SYT1: variants seen among roughly 807,000 people sequenced by gnomAD.
SYT1 encodes synaptotagmin-1.
Under a neutral mutation model 44.8 loss-of-function variants are expected in SYT1, and 8 were observed. The observed-to-expected ratio is 0.18, with a 90% confidence interval of 0.10 to 0.32. The LOEUF is 0.32. Ranked by LOEUF, SYT1 falls within the 10% of genes least tolerant of loss-of-function variation. The pLI is 1.00. For synonymous variants in SYT1, 154 were observed against 188.8 expected, an observed-to-expected ratio of 0.82 and a Z score of 1.51; for missense variants, 286 against 509.3, an observed-to-expected ratio of 0.56 and a Z score of 4.22.
chr12:79,077,768 A>T (rs1486313026), intron 3 of SYT1, among the ~76,000 whole-genome samples: 1 of 152,192 alleles, frequency 6.6e-6, no homozygotes, highest in Admixed American at 6.6e-5. Flanking sequence ...TGAAAAGCTG[A>T]TTAAAAATAA....
At chr12:79,125,322 G>A (rs1020771508) in intron 3 of SYT1, among the ~76,000 whole-genome samples, 4 of 151,988 alleles carry the variant, frequency 2.6e-5, no homozygotes, top group South Asian at 2.1e-4. Flanking sequence ...AAAGAAAAAT[G>A]TTCAGAGGCT....
intron 8 of SYT1, among the ~76,000 whole-genome samples, chr12:79,307,962 C>G (rs1880496037): frequency 2.0e-5 from 3 of 152,110 alleles, no homozygotes; most frequent in Admixed American, 2.0e-4. Flanking sequence ...GAGAAGGCCT[C>G]GAAGAGTGCT....
intron 1 of SYT1, among the ~76,000 whole-genome samples, chr12:78,916,424 T>C (rs796402445): frequency 1.3e-5 from 2 of 152,208 alleles, no homozygotes; most frequent in African/African-American, 2.4e-5. Flanking sequence ...ATTTGGTTAC[T>C]GAAACCAATA....
chr12:79,026,667 T>TTATATATATATATATATATA (rs3064320), intron 2 of SYT1, among the ~76,000 whole-genome samples: 14 of 102,276 alleles, frequency 1.4e-4, no homozygotes, highest in African/African-American at 2.3e-4. Context: ...CATATATATT[T>TTATATATATATATATATATA]TATATATATA....
At chr12:78,947,169 T>G (rs1463180635) in intron 1 of SYT1, among the ~76,000 whole-genome samples, 1 of 152,230 alleles carries the variant, frequency 6.6e-6, no homozygotes, top group Non-Finnish European at 1.5e-5. Context: ...CCTGCTATCT[T>G]GGTTGCTTCC....
chr12:79,245,365 C>G (rs982654756), intron 4 of SYT1, among the ~76,000 whole-genome samples: 20 of 148,008 alleles, frequency 1.4e-4, no homozygotes, highest in South Asian at 4.3e-4. Flanking sequence ...GTCCCAGCTA[C>G]TCGGGAGTTT....
intron 9 of SYT1, among the ~76,000 whole-genome samples, chr12:79,404,165 C>CTATTT (rs1182874802): frequency 6.6e-6 from 1 of 152,082 alleles, no homozygotes; most frequent in Non-Finnish European, 1.5e-5. Context: ...CCCAATAAAG[C>CTATTT]TAATATATCA....
Position 79,415,428 on chromosome 12 carries a change from C to T in SYT1, c.929-28645C>T, listed in dbSNP as rs568263639. Among the ~76,000 whole-genome samples the T allele has an allele frequency of 4.6e-5, 7 of 152,264 alleles. No individual in the cohort carries two copies. In the East Asian group the frequency reaches 1.2e-3, roughly 25 times the overall value. ...GGTCTTGAAGCTCCATTGCAAAACA[C>T]TTATGTAAAATAGAATATCAATTGT... On this transcript the variant is annotated intron_variant, in intron 9 of 10. Transcript: ENST00000261205.
chr12:79,186,077 C>T (rs1204749409), intron 3 of SYT1, among the ~76,000 whole-genome samples: 1 of 151,756 alleles, frequency 6.6e-6, no homozygotes, highest in Non-Finnish European at 1.5e-5. Context: ...TTCAAGGATC[C>T]CCTCAAATTT....
intron 3 of SYT1, among the ~76,000 whole-genome samples, chr12:79,210,679 T>C (rs1050022834): frequency 6.6e-6 from 1 of 152,232 alleles, no homozygotes; most frequent in South Asian, 2.1e-4. Context: ...TCCATGATTT[T>C]GCAATTGCGA....
intron 10 of SYT1, among the ~76,000 whole-genome samples, chr12:79,444,911 A>ATAGT (rs1870621396): frequency 1.3e-5 from 2 of 152,172 alleles, no homozygotes; most frequent in Admixed American, 1.3e-4. Context: ...CCCCATCTCC[A>ATAGT]TAGTTAGCCT....
At chr12:79,406,470 C>T (rs1367855868) in intron 9 of SYT1, among the ~76,000 whole-genome samples, 1 of 152,104 alleles carries the variant, frequency 6.6e-6, no homozygotes, top group Non-Finnish European at 1.5e-5. Flanking sequence ...TAACTTAGCC[C>T]AAAAGGGTTT....
chr12:79,392,798 C>CTTTTTTTTTTTTTTTTT (rs755888075), intron 9 of SYT1: 12 of 98,854 alleles, frequency 1.2e-4, no homozygotes, highest in East Asian at 5.5e-4. Context: ...ATTTTTCTTT[C>CTTTTTTTTTTTTTTTTT]TTTTTTTTTT....
intron 9 of SYT1, among the ~76,000 whole-genome samples, chr12:79,390,502 G>T (rs773278537): frequency 1.3e-5 from 2 of 151,890 alleles, no homozygotes; most frequent in African/African-American, 4.8e-5. Context: ...CACAGTGCTT[G>T]CAGGCACCTC....
intron 2 of SYT1, among the ~76,000 whole-genome samples, chr12:79,025,309 T>C (rs1224985674): frequency 6.6e-6 from 1 of 151,776 alleles, no homozygotes; most frequent in African/African-American, 2.4e-5. Context: ...CCATTTCCCC[T>C]AAGCTGACTT....
At chr12:79,135,576 A>G (rs1161150957) in intron 3 of SYT1, among the ~76,000 whole-genome samples, 2 of 152,208 alleles carry the variant, frequency 1.3e-5, no homozygotes, top group East Asian at 3.8e-4. Flanking sequence ...GGAAAAGCCT[A>G]TGAAAAAATT....
chr12:78,892,828 A>C (rs1363173623), intron 1 of SYT1, among the ~76,000 whole-genome samples: 1 of 151,792 alleles, frequency 6.6e-6, no homozygotes, highest in East Asian at 1.9e-4. Flanking sequence ...TTTTTTTCAG[A>C]ATTACACAAT....
intron 3 of SYT1, among the ~76,000 whole-genome samples, chr12:79,089,558 A>G (rs1877629329): frequency 6.6e-6 from 1 of 151,914 alleles, no homozygotes; most frequent in Non-Finnish European, 1.5e-5. Flanking sequence ...CACAAATTGA[A>G]ATAACAGGCT....
chr12:79,124,605 T>A (rs1243644085), intron 3 of SYT1, among the ~76,000 whole-genome samples: 1 of 151,974 alleles, frequency 6.6e-6, no homozygotes, highest in Non-Finnish European at 1.5e-5. Context: ...ATCATCACCA[T>A]TATCATCATC....
Sources: allele counts gnomAD v4.1 joint callset (sites outside exome capture counted in the v4.1 genomes callset), GRCh38; gene constraint gnomAD v4.1.1; transcripts MANE v1.5; gene names NCBI Gene and HGNC (gene_info 2026-07-23, HGNC 2026-07-21).